Variants in PTPRD observed in about 807,000 individuals in gnomAD.
PTPRD encodes the protein receptor-type tyrosine-protein phosphatase delta.
In PTPRD, 34 loss-of-function variants were observed where a neutral mutation model predicts 214.5. The ratio of observed to expected loss-of-function variants is 0.16; its 90% confidence interval spans 0.12 to 0.21. PTPRD has a LOEUF of 0.21. PTPRD is among the 10% of genes least tolerant of loss of function. The pLI, the probability that PTPRD is intolerant of heterozygous loss-of-function variation, is 1.00. For missense variants in PTPRD, 2,545 were observed against 2,398.7 expected (o/e 1.06, Z -1.27); for synonymous variants, 1,128 against 845.7 (o/e 1.33, Z -5.79).
rs757358702 is a variant in PTPRD, at chr9:10,025,657, A to T, written c.-472+8061T>A. ...TTTAGAGAAATCTGAGAAACTTTTT[A>T]AAAAATTAGATAACCTTTAAATCCC... On this transcript the variant is annotated intron_variant, in intron 4 of 45. Transcript: ENST00000381196. Among the ~76,000 whole-genome samples the T allele has an allele frequency of 8.9e-4, 136 of 152,312 alleles. No homozygotes were observed. In the Middle Eastern group the frequency reaches 0.01, roughly 11 times the overall value.
intron 14 of PTPRD, among the ~76,000 whole-genome samples, chr9:8,556,260 G>A (rs547468690): frequency 1.3e-5 from 2 of 152,312 alleles, no homozygotes; most frequent in East Asian, 3.9e-4. Flanking sequence ...TATGTCCAGA[G>A]CATATGTCAT....
intron 14 of PTPRD, among the ~76,000 whole-genome samples, chr9:8,592,264 C>G (rs951362557): frequency 2.0e-5 from 3 of 152,124 alleles, no homozygotes; most frequent in Non-Finnish European, 4.4e-5. Context: ...TCAAAGTACA[C>G]CCCCAAATTC....
chr9:8,574,544 T>C (rs576379615), intron 14 of PTPRD, among the ~76,000 whole-genome samples: 5 of 152,136 alleles, frequency 3.3e-5, no homozygotes, highest in South Asian at 2.1e-4. Context: ...GTGGTATATA[T>C]AGCAAAATAT....
chr9:9,751,616 G>A (rs892964994), intron 6 of PTPRD, among the ~76,000 whole-genome samples: 8 of 151,978 alleles, frequency 5.3e-5, no homozygotes, highest in Non-Finnish European at 1.2e-4. Flanking sequence ...CATAACTAGC[G>A]TCCTTTTAAA....
intron 36 of PTPRD, among the ~76,000 whole-genome samples, chr9:8,401,802 A>T (rs972768916): frequency 2.6e-5 from 4 of 152,190 alleles, no homozygotes; most frequent in African/African-American, 9.6e-5. Context: ...AAATAATGTA[A>T]GGAGTAACTA....
intron 3 of PTPRD, among the ~76,000 whole-genome samples, chr9:10,323,391 C>T (rs935860322): frequency 2.0e-5 from 3 of 150,102 alleles, no homozygotes; most frequent in Admixed American, 1.3e-4. Flanking sequence ...GCCTCCTGGG[C>T]TCTAACAATT....
chr9:8,570,928 C>T (rs1015719690), intron 14 of PTPRD, among the ~76,000 whole-genome samples: 1 of 151,786 alleles, frequency 6.6e-6, no homozygotes, highest in Non-Finnish European at 1.5e-5. Context: ...CTACAAGGTA[C>T]AGACCAGGCA....
At chr9:9,048,566 A>T (rs1212811817) in intron 10 of PTPRD, among the ~76,000 whole-genome samples, 2 of 152,146 alleles carry the variant, frequency 1.3e-5, no homozygotes, top group Non-Finnish European at 2.9e-5. Context: ...AAAGACTAAC[A>T]TCGTATGTTC....
chr9:10,478,898 T>G (rs1185290683), intron 2 of PTPRD, among the ~76,000 whole-genome samples: 1 of 151,942 alleles, frequency 6.6e-6, no homozygotes. Context: ...GATCTTGAAA[T>G]GAAATTTCAA....
At chr9:9,114,191 T>C (rs2099809920) in intron 10 of PTPRD, among the ~76,000 whole-genome samples, 1 of 152,176 alleles carries the variant, frequency 6.6e-6, no homozygotes, top group African/African-American at 2.4e-5. Flanking sequence ...CTTTAAGGTC[T>C]GATTCCAATT....
intron 30 of PTPRD, among the ~76,000 whole-genome samples, chr9:8,480,038 A>G (rs879493996): frequency 3.9e-5 from 6 of 152,096 alleles, no homozygotes; most frequent in Admixed American, 6.6e-5. Flanking sequence ...TTATATTCAC[A>G]TTATCTATTT....
At chr9:9,715,684 G>T (rs1030553910) in intron 7 of PTPRD, among the ~76,000 whole-genome samples, 1 of 152,068 alleles carries the variant, frequency 6.6e-6, no homozygotes, top group Admixed American at 6.6e-5. Context: ...AGTATTAAGA[G>T]AATGTATTTG....
intron 4 of PTPRD, among the ~76,000 whole-genome samples, chr9:9,987,056 G>C (rs2095739957): frequency 6.6e-6 from 1 of 152,086 alleles, no homozygotes; most frequent in African/African-American, 2.4e-5. Context: ...TGAAAAAAGG[G>C]AAATCGAGAG....
chr9:9,182,393 G>A (rs1333384240), intron 10 of PTPRD, among the ~76,000 whole-genome samples: 2 of 151,990 alleles, frequency 1.3e-5, no homozygotes, highest in Non-Finnish European at 2.9e-5. Flanking sequence ...ATTTGAGCAT[G>A]CTAACGAACT....
intron 11 of PTPRD, among the ~76,000 whole-genome samples, chr9:8,797,986 T>C (rs1235917672): frequency 6.6e-6 from 1 of 152,044 alleles, no homozygotes; most frequent in East Asian, 1.9e-4. Flanking sequence ...TCCTTTGACC[T>C]CAACCTTAAC....
chr9:10,081,661 C>A (rs2098240036), intron 3 of PTPRD, among the ~76,000 whole-genome samples: 1 of 151,944 alleles, frequency 6.6e-6, no homozygotes, highest in Admixed American at 6.6e-5. Flanking sequence ...TATGAACCAC[C>A]CAGTCTATGG....
chr9:10,576,304 G>T (rs2069302663), intron 2 of PTPRD, among the ~76,000 whole-genome samples: 2 of 152,046 alleles, frequency 1.3e-5, no homozygotes, highest in Non-Finnish European at 1.5e-5. Flanking sequence ...TAACTGTCTG[G>T]GATATACTGT....
At chr9:9,180,437 G>C (rs1400957243) in intron 10 of PTPRD, among the ~76,000 whole-genome samples, 1 of 132,672 alleles carries the variant, frequency 7.5e-6, no homozygotes, top group Non-Finnish European at 1.6e-5. Context: ...TCACACAGTG[G>C]GGCCTGTTGT....
At chr9:10,322,150 G>A (rs1386414684) in intron 3 of PTPRD, among the ~76,000 whole-genome samples, 1 of 151,964 alleles carries the variant, frequency 6.6e-6, no homozygotes, top group East Asian at 1.9e-4. Context: ...TATTTGATCA[G>A]CTTGTGAAAG....
Sources: allele counts gnomAD v4.1 joint callset (sites outside exome capture counted in the v4.1 genomes callset), GRCh38; gene constraint gnomAD v4.1.1; transcripts MANE v1.5; gene names NCBI Gene and HGNC (gene_info 2026-07-23, HGNC 2026-07-21).